Variants in NEBL observed in about 807,000 individuals in gnomAD.
The protein encoded by NEBL is LIM and SH3 protein 2.
Under a neutral mutation model 140.2 loss-of-function variants are expected in NEBL, and 122 were observed. That is an observed-to-expected ratio of 0.87 (90% CI 0.75 to 1.01). NEBL has a LOEUF of 1.01. Among genes scored for constraint, NEBL ranks in the 50% least tolerant of loss-of-function variants. NEBL has a pLI of 0.00. For synonymous variants in NEBL, 436 were observed against 398.9 expected, an observed-to-expected ratio of 1.09 and a Z score of -1.11; for missense variants, 1,365 against 1,231.3, an observed-to-expected ratio of 1.11 and a Z score of -1.62.
rs1554773359 is a variant in NEBL, at chr10:20,803,812, A to AAAAAATAT, written c.2761+4697_2761+4698insATATTTTT. 1.7e-3 allele frequency among the ~76,000 whole-genome samples: 247 copies of AAAAAATAT among 143,580 alleles called. 1 individual carries two copies. Among genetic ancestry groups the AAAAAATAT allele is most frequent in the Non-Finnish European group, 3.1e-3 (206 of 65,450 alleles). The allele number at this position is 143,580 out of a possible 152,430, so 94.2% of individuals were successfully genotyped here. ...GAGACTTCTTTCCTTCTGTACGAAA[A>AAAAAATAT]ATATATATATATATATATATATATA... On this transcript the variant is annotated intron_variant, in intron 26 of 27. Transcript: ENST00000377122.
At chr10:20,815,757 A>G in intron 21 of NEBL, 40 bp from the exon 22 acceptor site, 1 of 1,338,400 alleles carries the variant, frequency 7.5e-7, no homozygotes, top group Non-Finnish European at 1.1e-6. Flanking sequence ...ACTATGAATC[A>G]ATTCAACAAA....
chr10:21,153,809 C>T (rs756803318), intron 2 of NEBL, among the ~76,000 whole-genome samples: 5 of 151,944 alleles, frequency 3.3e-5, no homozygotes, highest in African/African-American at 9.7e-5. Flanking sequence ...CCACCGTGCC[C>T]GGCCATAAAT....
At chr10:20,792,914 G>A (rs3781490) in intron 26 of NEBL, among the ~76,000 whole-genome samples, 47,225 of 151,830 alleles carry the variant, frequency 0.31, 7,800 homozygotes, top group South Asian at 0.46. Flanking sequence ...GCTTTTACAC[G>A]TGTCACTGAG....
intron 3 of NEBL, among the ~76,000 whole-genome samples, chr10:21,182,630 A>G (rs1253899706): frequency 6.6e-6 from 1 of 152,238 alleles, no homozygotes; most frequent in African/African-American, 2.4e-5. Context: ...TAGCAACTAG[A>G]AAACTGCAAG....
intron 2 of NEBL, among the ~76,000 whole-genome samples, chr10:21,028,235 C>CAAAAAAA (rs1168946872): frequency 1.2e-3 from 80 of 66,170 alleles, no homozygotes; most frequent in Admixed American, 1.6e-3. Flanking sequence ...TCAAACATCT[C>CAAAAAAA]AAAAAAAAAA....
intron 2 of NEBL, among the ~76,000 whole-genome samples, chr10:21,136,673 C>A (rs183147737): frequency 5.1e-4 from 78 of 152,312 alleles, no homozygotes; most frequent in Non-Finnish European, 3.7e-4. Flanking sequence ...TTCTACCCTA[C>A]GGCTGGACAA....
intron 4 of NEBL, among the ~76,000 whole-genome samples, 180 bp from the exon 5 acceptor site, chr10:20,881,084 C>T (rs1354804500): frequency 6.6e-6 from 1 of 152,168 alleles, no homozygotes; most frequent in African/African-American, 2.4e-5. Flanking sequence ...GTTTAGATTC[C>T]TAATTCTACC....
At chr10:21,109,009 G>A (rs560630328) in intron 2 of NEBL, among the ~76,000 whole-genome samples, 1 of 152,156 alleles carries the variant, frequency 6.6e-6, no homozygotes, top group African/African-American at 2.4e-5. Flanking sequence ...TTGCCCGATT[G>A]CCCTGGCCAG....
rs1337092100 is a variant in NEBL at position 20,856,586 on chromosome 10, G to A, written c.903+1654C>T. Among the ~76,000 whole-genome samples, 7 of 152,154 alleles carry A rather than the reference G, an allele frequency of 4.6e-5. No homozygotes were observed. The East Asian group carries it at 7.7e-4, about 17-fold the overall frequency. On this transcript the variant is annotated intron_variant, in intron 9 of 27. Coordinates refer to ENST00000377122, the MANE Select transcript of NEBL (RefSeq NM_006393.3). Reference sequence around the variant, plus strand: ...AATTTTAGAAGCATATCTATGAGTCGTGGAGAAAAAAGACAGAAATAGAGA... The same window carrying A: ...AATTTTAGAAGCATATCTATGAGTCATGGAGAAAAAAGACAGAAATAGAGA...
Position 21,199,871 on chromosome 10 carries a change from A to G in NEBL, n.349-27394T>C, listed in dbSNP as rs532288311. 2.6e-5 allele frequency among the ~76,000 whole-genome samples: 4 copies of G among 152,188 alleles called. No homozygotes were observed. In the South Asian group the frequency reaches 6.2e-4, roughly 24 times the overall value. On this transcript the variant is annotated intron_variant and non_coding_transcript_variant, in intron 3 of 8. Coordinates refer to the NEBL transcript ENST00000675702. Reference sequence around the variant, plus strand: ...ATTTGTAGCTTGTCAAGGTATCAAGACTCCAGTCAATGTGAATTTGAAGCT... The same window carrying G: ...ATTTGTAGCTTGTCAAGGTATCAAGGCTCCAGTCAATGTGAATTTGAAGCT...
intron 4 of NEBL, among the ~76,000 whole-genome samples, chr10:20,911,985 C>T (rs1184853110): frequency 2.0e-5 from 3 of 152,156 alleles, no homozygotes; most frequent in Non-Finnish European, 2.9e-5. Context: ...TTCGTGTCAT[C>T]GCAAATGGGG....
intron 24 of NEBL, among the ~76,000 whole-genome samples, chr10:20,812,332 A>G (rs569727297): frequency 1.4e-4 from 21 of 151,620 alleles, no homozygotes; most frequent in African/African-American, 4.8e-4. Flanking sequence ...TTTTTTTATT[A>G]TTATTATACT....
chr10:21,094,611 G>C (rs190115913), intron 2 of NEBL, among the ~76,000 whole-genome samples: 1 of 151,978 alleles, frequency 6.6e-6, no homozygotes, highest in East Asian at 1.9e-4. Context: ...GAGCCTGGGA[G>C]GCAGAGGTTT....
upstream of NEBL, among the ~76,000 whole-genome samples, chr10:21,176,989 C>A (rs2132200056): frequency 6.6e-6 from 1 of 152,274 alleles, no homozygotes; most frequent in African/African-American, 2.4e-5. Context: ...TCACAAAAGG[C>A]CAAACAATGG....
At chr10:21,037,337 C>G (rs1414555322) in intron 2 of NEBL, among the ~76,000 whole-genome samples, 1 of 152,040 alleles carries the variant, frequency 6.6e-6, no homozygotes, top group Non-Finnish European at 1.5e-5. Flanking sequence ...GCAGATAATT[C>G]ATGCATGAGA....
intron 7 of NEBL, among the ~76,000 whole-genome samples, chr10:20,863,959 T>C (rs1365566702): frequency 1.3e-5 from 2 of 152,284 alleles, no homozygotes; most frequent in Admixed American, 6.5e-5. Context: ...GGGAGAATGG[T>C]AAATTCCCCA....
At chr10:21,276,682 C>T (rs1398107762) in intron 1 of NEBL, among the ~76,000 whole-genome samples, 2 of 151,914 alleles carry the variant, frequency 1.3e-5, no homozygotes, top group Non-Finnish European at 2.9e-5. Context: ...CAAAAATTAG[C>T]CAGAGGCCAG....
intron 26 of NEBL, among the ~76,000 whole-genome samples, chr10:20,802,045 G>A (rs761050863): frequency 8.5e-5 from 13 of 152,160 alleles, no homozygotes; most frequent in Admixed American, 5.9e-4. Flanking sequence ...ATCCTTTTAC[G>A]TTTTCCGGAG....
At chr10:20,967,520 C>A (rs1018133172) in intron 3 of NEBL, among the ~76,000 whole-genome samples, 1 of 151,662 alleles carries the variant, frequency 6.6e-6, no homozygotes, top group Non-Finnish European at 1.5e-5. Flanking sequence ...CCCAGCTACT[C>A]GGGAGGCTGA....
Sources: allele counts gnomAD v4.1 joint callset (sites outside exome capture counted in the v4.1 genomes callset), GRCh38; gene constraint gnomAD v4.1.1; transcripts MANE v1.5; gene names NCBI Gene and HGNC (gene_info 2026-07-23, HGNC 2026-07-21).